SLC29A3: variants seen among roughly 807,000 people sequenced by gnomAD.
SLC29A3 encodes equilibrative nucleoside transporter 3.
Under a neutral mutation model 25.4 loss-of-function variants are expected in SLC29A3, and 18 were observed. That is an observed-to-expected ratio of 0.71 (90% confidence interval 0.49 to 1.05). SLC29A3 has a LOEUF of 1.05. Ranked by LOEUF, SLC29A3 falls within the 50% of genes least tolerant of loss-of-function variation. The probability of loss-of-function intolerance (pLI) is 0.00; values close to 1 mark genes in which losing one functional copy is unlikely to be tolerated. For synonymous variants in SLC29A3, 258 were observed against 267.1 expected (o/e 0.97, Z 0.33); for missense variants, 586 against 609.0 (o/e 0.96, Z 0.40).
At chr10:71,322,527 G>T (rs150311154) in intron 1 of SLC29A3, among the ~76,000 whole-genome samples, 10 of 152,300 alleles carry the variant, frequency 6.6e-5, no homozygotes, top group African/African-American at 2.2e-4. Flanking sequence ...CATGGTTGGG[G>T]TGACCTCTGA....
intron 2 of SLC29A3, among the ~76,000 whole-genome samples, chr10:71,330,302 C>A (rs1846089040): frequency 6.6e-6 from 1 of 152,200 alleles, no homozygotes; most frequent in Non-Finnish European, 1.5e-5. Flanking sequence ...CCTGGGGTGG[C>A]ACAAAGCAAG....
At chr10:71,329,812 A>G (rs1208231572) in intron 2 of SLC29A3, among the ~76,000 whole-genome samples, 4 of 152,234 alleles carry the variant, frequency 2.6e-5, no homozygotes, top group Non-Finnish European at 5.9e-5. Context: ...TAGAGTACCC[A>G]TTAACCCATT....
chr10:71,346,764 A>T (rs1486150018), intron 3 of SLC29A3, among the ~76,000 whole-genome samples: 1 of 152,096 alleles, frequency 6.6e-6, no homozygotes, highest in Non-Finnish European at 1.5e-5. Context: ...AGCCACCTAC[A>T]TCCTAGTTCC....
At chr10:71,346,010 G>A (rs1348556935) in intron 3 of SLC29A3, among the ~76,000 whole-genome samples, 1 of 152,232 alleles carries the variant, frequency 6.6e-6, no homozygotes, top group African/African-American at 2.4e-5. Flanking sequence ...TAGCAAGAGT[G>A]TAATGCCTCG....
intron 2 of SLC29A3, among the ~76,000 whole-genome samples, chr10:71,330,909 A>G (rs556549739): frequency 6.6e-6 from 1 of 151,686 alleles, no homozygotes; most frequent in Non-Finnish European, 1.5e-5. Flanking sequence ...TACCCATTAT[A>G]CAGAGAAGGA....
At chr10:71,346,680 T>C (rs2249882) in intron 3 of SLC29A3, among the ~76,000 whole-genome samples, 104,958 of 152,028 alleles carry the variant, frequency 0.69, 37,039 homozygotes, top group Non-Finnish European at 0.76. Context: ...ACTCCAGCCT[T>C]GGCTAGAATG....
At chr10:71,343,734 G>A (rs909489852) in intron 2 of SLC29A3, among the ~76,000 whole-genome samples, 7 of 152,218 alleles carry the variant, frequency 4.6e-5, no homozygotes, top group African/African-American at 1.7e-4. Flanking sequence ...GATCACTTGA[G>A]CTCAGGAGTT....
chr10:71,341,361 C>T (rs112752721), intron 2 of SLC29A3, among the ~76,000 whole-genome samples: 79 of 152,206 alleles, frequency 5.2e-4, no homozygotes, highest in Non-Finnish European at 1.2e-4. Context: ...AAGTCCGTTT[C>T]TTGAAATCAG....
intron 4 of SLC29A3, among the ~76,000 whole-genome samples, chr10:71,376,281 C>A (rs568705404): frequency 6.6e-6 from 1 of 152,326 alleles, no homozygotes; most frequent in South Asian, 2.1e-4. Flanking sequence ...TCAGTAGCTG[C>A]CAGGCACCTG....
At chr10:71,321,909 C>T (rs1292708490) in intron 1 of SLC29A3, among the ~76,000 whole-genome samples, 1 of 152,236 alleles carries the variant, frequency 6.6e-6, no homozygotes, top group African/African-American at 2.4e-5. Context: ...GCCTTCAGTT[C>T]TTTGGACCTC....
chr10:71,369,360 G>A (rs1847193925), intron 3 of SLC29A3, among the ~76,000 whole-genome samples: 1 of 152,332 alleles, frequency 6.6e-6, no homozygotes, highest in South Asian at 2.1e-4. Context: ...GGTAGAACTT[G>A]AGAGTGATGA....
chr10:71,324,025 A>ACTTTTCC (rs1343700795), intron 2 of SLC29A3, among the ~76,000 whole-genome samples: 2 of 152,064 alleles, frequency 1.3e-5, no homozygotes, highest in East Asian at 3.9e-4. Flanking sequence ...GCAGTAGGGG[A>ACTTTTCC]AGAGGATTAA....
chr10:71,334,733 C>A lies in SLC29A3; in HGVS notation c.301-9476C>A, dbSNP rs932139304. Among the ~76,000 whole-genome samples, 79 of 152,176 alleles carry A rather than the reference C, an allele frequency of 5.2e-4. 1 individual carries two copies. The highest frequency in any genetic ancestry group is 7.3e-5 in the Non-Finnish European group (5 of 68,036). The stretch of plus-strand genomic sequence containing the variant: ...GTGCACCTCCACCACAGCCTGCACA[C>A]CCGGACCTGCCTGGGCCCCAGCCTC... On this transcript the variant is annotated intron_variant, in intron 2 of 5. Transcript: ENST00000373189.
At chr10:71,370,712 G>T (rs1269143618) in intron 3 of SLC29A3, among the ~76,000 whole-genome samples, 1 of 151,952 alleles carries the variant, frequency 6.6e-6, no homozygotes, top group Non-Finnish European at 1.5e-5. Flanking sequence ...TTAAAAAAAT[G>T]AAATATAACT....
At position 71,356,107 on chromosome 10, in the gene SLC29A3, G is replaced by A. The variant is rs142645681; in HGVS notation, c.637G>A (p.Ala213Thr). 370 of 1,614,098 alleles carry A rather than the reference G, an allele frequency of 2.3e-4. No individual in the cohort carries two copies. Among genetic ancestry groups the A allele is most frequent in the Non-Finnish European group, 2.9e-4 (337 of 1,180,024 alleles). The change falls in exon 5 of 6, where the codon GCC becomes ACC. Residue 213 changes from alanine (A) to threonine (T), a missense_variant. Coordinates refer to ENST00000373189, the MANE Select transcript of SLC29A3 (RefSeq NM_018344.6). ...SGGAMGGTVSAVASLVDLAAS... is the reference protein window; with the variant it reads ...SGGAMGGTVSTVASLVDLAAS... ...AGGAGCCATGGGCGGGACGGTCAGC[G>A]CCGTGGCCTCATTGGTGGACTTGGC... is the stretch of plus-strand genomic sequence containing the variant.
chr10:71,335,358 A>G (rs1846220537), intron 2 of SLC29A3, among the ~76,000 whole-genome samples: 1 of 152,180 alleles, frequency 6.6e-6, no homozygotes, highest in African/African-American at 2.4e-5. Context: ...GGAGCCCCCA[A>G]GGTTTCCGGC....
At chr10:71,355,293 G>A (rs1846871853) in intron 4 of SLC29A3, among the ~76,000 whole-genome samples, 1 of 152,240 alleles carries the variant, frequency 6.6e-6, no homozygotes, top group South Asian at 2.1e-4. Context: ...TGGCACCCGA[G>A]TAGGTCGTGT....
intron 4 of SLC29A3, among the ~76,000 whole-genome samples, chr10:71,352,285 A>G (rs1037245463): frequency 3.9e-5 from 6 of 152,164 alleles, no homozygotes; most frequent in African/African-American, 9.7e-5. Flanking sequence ...CAGTTCTGCC[A>G]TAGCCATAAG....
chr10:71,353,237 A>C (rs961857689), intron 4 of SLC29A3, among the ~76,000 whole-genome samples: 7 of 152,180 alleles, frequency 4.6e-5, no homozygotes, highest in African/African-American at 1.7e-4. Flanking sequence ...TATCCTGGGA[A>C]ACACTTGGGC....
Sources: allele counts gnomAD v4.1 joint callset (sites outside exome capture counted in the v4.1 genomes callset), GRCh38; gene constraint gnomAD v4.1.1; transcripts MANE v1.5; gene names NCBI Gene and HGNC (gene_info 2026-07-23, HGNC 2026-07-21).